HIPK3: variants seen among roughly 807,000 people sequenced by gnomAD.
HIPK3 encodes homeodomain interacting protein kinase 3, also known as homeodomain-interacting protein kinase 3.
HIPK3 carries 47 observed loss-of-function variants against 124.2 expected under a neutral mutation model. The ratio of observed to expected loss-of-function variants is 0.38; its 90% CI spans 0.30 to 0.48. The LOEUF is 0.48. Among genes scored for constraint, HIPK3 ranks in the 20% least tolerant of loss-of-function variants. HIPK3 has a pLI of 0.98. For synonymous variants in HIPK3, 482 were observed against 515.2 expected (o/e 0.94, Z 0.87); for missense variants, 1,286 against 1,454.3 (o/e 0.88, Z 1.88).
chr11:33,353,203 G>A lies in HIPK3; in HGVS notation c.3283G>A (p.Gly1095Arg), dbSNP rs775226114. ...VTSNPFTLSH[G>R]SPNHTAVHAH... Reference sequence around the variant, plus strand: ...CAGTAATCCATTCACTCTTTCTCATGGAAGTCCCAATCACACAGCAGTGCA... The same window carrying A: ...CAGTAATCCATTCACTCTTTCTCATAGAAGTCCCAATCACACAGCAGTGCA... The change falls in exon 17 of 17, where the codon GGA becomes AGA. Residue 1095 changes from glycine (G) to arginine (R), a missense_variant. This residue lies in a region of HIPK3 where 810 missense variants were observed against 864.9 expected (regional missense o/e 0.94). Coordinates refer to ENST00000303296, the MANE Select transcript of HIPK3 (RefSeq NM_005734.5). The A allele has an allele frequency of 1.2e-6, 2 of 1,613,848 alleles. No homozygotes were observed. The highest frequency in any genetic ancestry group is 1.3e-5 in the African/African-American group (1 of 74,960).
At chr11:33,290,396 T>G (rs1565066713) in intron 2 of HIPK3, among the ~76,000 whole-genome samples, 1 of 152,074 alleles carries the variant, frequency 6.6e-6, no homozygotes, top group Non-Finnish European at 1.5e-5. Context: ...TTTAACAGTA[T>G]GAGAAGAATA....
chr11:33,299,613 T>C (rs1272971203), intron 2 of HIPK3, among the ~76,000 whole-genome samples: 3 of 152,222 alleles, frequency 2.0e-5, no homozygotes, highest in African/African-American at 7.2e-5. Flanking sequence ...TTTGAGAGGA[T>C]TGGCTCCAAT....
At chr11:33,280,046 A>G (rs1232917783) in intron 1 of HIPK3, among the ~76,000 whole-genome samples, 3 of 152,182 alleles carry the variant, frequency 2.0e-5, no homozygotes, top group Non-Finnish European at 4.4e-5. Flanking sequence ...GGGGGACACA[A>G]ACATTCAGAC....
At chr11:33,261,564 G>A (rs781184023) in intron 1 of HIPK3, among the ~76,000 whole-genome samples, 1 of 152,120 alleles carries the variant, frequency 6.6e-6, no homozygotes, top group African/African-American at 2.4e-5. Context: ...TTTTATGGCT[G>A]CATAGTATTC....
intron 2 of HIPK3, among the ~76,000 whole-genome samples, chr11:33,297,684 A>G (rs1242494525): frequency 6.6e-6 from 1 of 151,400 alleles, no homozygotes; most frequent in Non-Finnish European, 1.5e-5. Context: ...TTTTTAATGT[A>G]GATGAAACAG....
chr11:33,351,702 A>G lies in HIPK3; in HGVS notation c.2902A>G (p.Thr968Ala), dbSNP rs1042576777. ...GCATGACAGTCCATTTGCAGAGAGC[A>G]CTTTTGTGGAGGACACTCATGAAAA... Reference protein sequence around the residue: ...SGHDSPFAESTFVEDTHENTE... With the variant: ...SGHDSPFAESAFVEDTHENTE... Residue 968 changes from threonine to alanine, a missense_variant, in exon 15 of 17, where the codon ACT becomes GCT. Around this residue, in one of 3 missense-constraint regions of HIPK3, gnomAD observed 810 missense variants for 864.9 expected, o/e 0.94. Transcript: ENST00000303296. 6.2e-7 allele frequency: 1 copy of G among 1,614,070 alleles called. No homozygotes were observed. Among genetic ancestry groups the G allele is most frequent in the Non-Finnish European group, 8.5e-7 (1 of 1,180,026 alleles).
chr11:33,321,055 A>G (rs1481298356), intron 2 of HIPK3, among the ~76,000 whole-genome samples: 5 of 152,146 alleles, frequency 3.3e-5, no homozygotes, highest in Admixed American at 2.6e-4. Context: ...CCAAAGTTTA[A>G]ACGTTGGGAA....
At chr11:33,349,339 C>T in intron 14 of HIPK3, 52 bp downstream of exon 14, 2 of 1,428,212 alleles carry the variant, frequency 1.4e-6, no homozygotes, top group Non-Finnish European at 1.9e-6. Context: ...TACTAAAAAG[C>T]CTACGATTTC....
At chr11:33,326,028 A>T (rs949032761) in intron 2 of HIPK3, among the ~76,000 whole-genome samples, 1 of 145,914 alleles carries the variant, frequency 6.9e-6, no homozygotes, top group Non-Finnish European at 1.5e-5. Context: ...TTAAGGTTCT[A>T]CTGAATCTTA....
chr11:33,283,759 C>T (rs1180388086), intron 1 of HIPK3, among the ~76,000 whole-genome samples: 1 of 151,956 alleles, frequency 6.6e-6, no homozygotes, highest in Non-Finnish European at 1.5e-5. Context: ...ACTGCAACCT[C>T]TGCCTCCTGG....
intron 1 of HIPK3, among the ~76,000 whole-genome samples, chr11:33,272,617 TTTCTTTC>T (rs1031670616): frequency 2.6e-5 from 4 of 152,098 alleles, no homozygotes; most frequent in Non-Finnish European, 5.9e-5. Context: ...TTTTTCCTTT[TTTCTTTC>T]CTTTTTCCTT....
At chr11:33,340,550 C>T (rs1406962968) in intron 6 of HIPK3, among the ~76,000 whole-genome samples, 3 of 152,152 alleles carry the variant, frequency 2.0e-5, no homozygotes, top group African/African-American at 7.2e-5. Context: ...TTCTACAGCC[C>T]AGTTACATTT....
chr11:33,351,856 C>T lies in HIPK3; in HGVS notation c.3043+13C>T. ...ATGGCAAACACAGGTAAGTTGAGTC[C>T]TCCCATTTCTCTGGTTGTCCTTTAA... On this transcript the variant is annotated intron_variant, in intron 15 of 16. Coordinates refer to ENST00000303296, the MANE Select transcript of HIPK3 (RefSeq NM_005734.5). 1.3e-6 allele frequency: 2 copies of T among 1,580,996 alleles called. No individual in the cohort carries two copies. Among genetic ancestry groups the T allele is most frequent in the Non-Finnish European group, 1.7e-6 (2 of 1,151,922 alleles).
intron 14 of HIPK3, 57 bp from the exon 15 acceptor site, chr11:33,351,551 C>T: frequency 1.7e-6 from 2 of 1,193,886 alleles, no homozygotes; most frequent in South Asian, 2.6e-5. Flanking sequence ...TATTACTTAA[C>T]ATTAGATTTA....
chr11:33,356,970 T>C lies in HIPK3; in HGVS notation c.*3402T>C, dbSNP rs1853834801. ...TTTGGTGAGTGTCAAAATAAGAATTTATGGTGTATTACTGTCGATTCACTT... is the reference window on the plus strand; with the variant it reads ...TTTGGTGAGTGTCAAAATAAGAATTCATGGTGTATTACTGTCGATTCACTT... On this transcript the variant is annotated 3_prime_UTR_variant, in exon 17 of 17. Coordinates refer to ENST00000303296, the MANE Select transcript of HIPK3 (RefSeq NM_005734.5). 1 of 152,166 alleles carries C rather than the reference T, an allele frequency of 6.6e-6. No individual in the cohort carries two copies. The highest frequency in any genetic ancestry group is 1.5e-5 in the Non-Finnish European group (1 of 67,978). The allele number at this position is 152,166 out of a possible 1,614,324, so 9.4% of individuals were successfully genotyped here. A position where few individuals can be genotyped will look rare whatever the true frequency, so the allele number is the denominator to read the frequency against.
intron 8 of HIPK3, among the ~76,000 whole-genome samples, chr11:33,345,953 G>C (rs187661400): frequency 2.6e-5 from 4 of 152,214 alleles, no homozygotes; most frequent in African/African-American, 9.6e-5. Flanking sequence ...TTTCTCTTAT[G>C]CCTGAAGAGA....
chr11:33,278,320 TAATC>T (rs1179765778), intron 1 of HIPK3, among the ~76,000 whole-genome samples: 3 of 152,086 alleles, frequency 2.0e-5, no homozygotes, highest in Admixed American at 6.5e-5. Context: ...TGGTGGGAAA[TAATC>T]AGGAAGAGAT....
rs977137460 is a variant in HIPK3, at chr11:33,257,782, C to T, written c.-110C>T. The T allele has an allele frequency of 8.9e-4, 875 of 986,916 alleles. No homozygotes were observed. The highest frequency in any genetic ancestry group is 9.6e-4 in the Non-Finnish European group (796 of 831,100). The allele number at this position is 986,916 out of a possible 1,614,324, so 61.1% of individuals were successfully genotyped here. ...GCTGAGCCCGGGCTGGGTGGTGCCG[C>T]CTGCTGAAGCGCCTGGCTCCCGGTC... is the stretch of plus-strand genomic sequence containing the variant. On this transcript the variant is annotated 5_prime_UTR_variant, in exon 1 of 17. Transcript: ENST00000303296.
rs752494199 is a variant in HIPK3 at position 33,341,085 on chromosome 11, A to G, written c.1731A>G (p.Thr577=). ...CAGTTGCTTCAAGCAGTACTGCTAC[A>G]CTGACTGCAAATTTTACTAAAATCG... The part of the protein sequence containing the change: ...LRPVASSSTA[T]LTANFTKIGT... The change falls in exon 7 of 17, where the codon ACA becomes ACG. Residue 577 remains threonine (T), a synonymous_variant. Transcript: ENST00000303296. 1.1e-5 allele frequency: 17 copies of G among 1,602,470 alleles called. No individual in the cohort carries two copies. The highest frequency in any genetic ancestry group is 6.7e-5 in the East Asian group (3 of 44,658).
Sources: gnomAD v4.1 joint callset for allele counts (sites outside exome capture counted in the v4.1 genomes callset) on GRCh38, gnomAD v4.1.1 for gene constraint, gnomAD v4.1.1 regional missense constraint, MANE v1.5 for transcripts, NCBI Gene and HGNC (gene_info 2026-07-23, HGNC 2026-07-21) for gene names.